The following SLC4A10 variants were observed in gnomAD, a reference collection of about 807,000 sequenced individuals.
SLC4A10 encodes solute carrier family 4 member 10, also known as sodium-driven chloride bicarbonate exchanger.
SLC4A10 carries 42 observed loss-of-function variants against 137.7 expected under a neutral mutation model. The ratio of observed to expected loss-of-function variants is 0.30; its 90% CI spans 0.24 to 0.39. SLC4A10 has a LOEUF of 0.39. Among genes scored for constraint, SLC4A10 ranks in the 10% least tolerant of loss-of-function variants. The pLI is 1.00. For missense variants in SLC4A10, 925 were observed against 1,355.0 expected (o/e 0.68, Z 4.98); for synonymous variants, 474 against 464.1 (o/e 1.02, Z -0.27).
At chr2:161,855,716 G>A (rs757517831) in intron 5 of SLC4A10, among the ~76,000 whole-genome samples, 32 of 151,934 alleles carry the variant, frequency 2.1e-4, no homozygotes, top group Non-Finnish European at 3.2e-4. Context: ...TACAGAAATT[G>A]AGTCAAAGAA....
At position 161,928,693 on chromosome 2, in the gene SLC4A10, C is replaced by A. The variant is rs561330699; in HGVS notation, c.1998-14099C>A. On this transcript the variant is annotated intron_variant, in intron 15 of 26. Transcript: ENST00000446997. ...AGTAGGAGTTTCAGGTTGGGACAGACCTGGATTCAAGTTTATTTCTATCAG... is the reference window on the plus strand; with the variant it reads ...AGTAGGAGTTTCAGGTTGGGACAGAACTGGATTCAAGTTTATTTCTATCAG... Among the ~76,000 whole-genome samples the A allele has an allele frequency of 4.3e-3, 621 of 144,838 alleles. 2 individuals are homozygous for A. Among genetic ancestry groups the A allele is most frequent in the African/African-American group, 0.015 (594 of 39,182 alleles).
intron 10 of SLC4A10, among the ~76,000 whole-genome samples, chr2:161,891,909 C>A (rs939019903): frequency 6.6e-6 from 1 of 151,888 alleles, no homozygotes; most frequent in African/African-American, 2.4e-5. Context: ...CCTTTTTGTG[C>A]TGAAAAACTT....
chr2:161,804,460 CTATT>C lies in SLC4A10; in HGVS notation c.147_150del (p.Phe49LeufsTer34). On this transcript the variant is annotated frameshift_variant, in exon 3 of 27. Transcript: ENST00000446997. LOFTEE classifies it high-confidence loss of function. ...GCTTCCTTATGAAGGTCATCGAACA[CTATT>C]TATTGGAGTACATGTGCCCTTGGGA... 2 of 1,611,736 alleles carry C rather than the reference CTATT, an allele frequency of 1.2e-6. No individual in the cohort carries two copies. The highest frequency in any genetic ancestry group is 1.7e-6 in the Non-Finnish European group (2 of 1,178,618).
chr2:161,912,415 T>G lies in SLC4A10; in HGVS notation c.1997+6528T>G, dbSNP rs72865268. Among the ~76,000 whole-genome samples the G allele has an allele frequency of 6.8e-3, 1,030 of 152,280 alleles. 8 individuals carry two copies. The highest frequency in any genetic ancestry group is 0.027 in the Middle Eastern group (8 of 294). On this transcript the variant is annotated intron_variant, in intron 15 of 26. Transcript: ENST00000446997. Reference sequence around the variant, plus strand: ...CTCAAGGAGTTCACAATCTTTGAAGTGCTGACCCCATTTCTGTTTGCTTCC... The same window carrying G: ...CTCAAGGAGTTCACAATCTTTGAAGGGCTGACCCCATTTCTGTTTGCTTCC...
chr2:161,783,320 A>T (rs893648818), intron 2 of SLC4A10, among the ~76,000 whole-genome samples: 3 of 151,958 alleles, frequency 2.0e-5, no homozygotes, highest in Non-Finnish European at 4.4e-5. Context: ...AACAAAAACT[A>T]AGGAAGTTCA....
rs182599004 is a variant in SLC4A10 at position 161,722,818 on chromosome 2, A to T, written c.49-48155A>T. ...CACAAGACTGCGTCCTCTCCTCCCCACAGGGCCTCCATCCCAGGGAGATCA... is the reference window on the plus strand; with the variant it reads ...CACAAGACTGCGTCCTCTCCTCCCCTCAGGGCCTCCATCCCAGGGAGATCA... On this transcript the variant is annotated intron_variant, in intron 1 of 26. Coordinates refer to ENST00000446997, the MANE Select transcript of SLC4A10 (RefSeq NM_001178015.2). Among the ~76,000 whole-genome samples, 11 of 152,276 alleles carry T rather than the reference A, an allele frequency of 7.2e-5. No homozygotes were observed. In the East Asian group the frequency reaches 2.1e-3, roughly 29 times the overall value.
intron 1 of SLC4A10, among the ~76,000 whole-genome samples, chr2:161,636,638 G>C (rs2034438907): frequency 6.6e-6 from 1 of 151,950 alleles, no homozygotes; most frequent in Non-Finnish European, 1.5e-5. Context: ...GACCTTAGGT[G>C]TTCCACTCAC....
intron 16 of SLC4A10, among the ~76,000 whole-genome samples, chr2:161,946,305 C>G (rs1440207325): frequency 6.6e-6 from 1 of 152,008 alleles, no homozygotes; most frequent in Non-Finnish European, 1.5e-5. Context: ...GACTCTCAGG[C>G]TTAGGGTAGC....
At chr2:161,843,264 T>C (rs1450252570) in intron 4 of SLC4A10, among the ~76,000 whole-genome samples, 1 of 152,196 alleles carries the variant, frequency 6.6e-6, no homozygotes, top group Non-Finnish European at 1.5e-5. Context: ...TATAGCACTC[T>C]CACTTTGTTA....
At chr2:161,667,705 T>C (rs1247825708) in intron 1 of SLC4A10, among the ~76,000 whole-genome samples, 1 of 151,730 alleles carries the variant, frequency 6.6e-6, no homozygotes, top group Non-Finnish European at 1.5e-5. Context: ...GTGTGTATAC[T>C]GCCACTCTCA....
Position 161,872,347 on chromosome 2 carries a change from A to G in SLC4A10, c.821A>G (p.Asp274Gly), listed in dbSNP as rs776505084. The part of the protein sequence containing the change: ...SAPACVENKN[D>G]VSRENSTVDF... ...CCAGCCTGTGTTGAAAATAAAAATG[A>G]TGTTAGCAGAGAAAACAGCACTGTT... Residue 274 changes from aspartate (D) to glycine (G), a missense_variant, in exon 7 of 27, where the codon GAT becomes GGT. Physicochemically the swap from Asp to Gly is moderately conservative, Grantham distance 94 (BLOSUM62 -1). Around this residue, in one of 11 missense-constraint regions of SLC4A10, gnomAD observed 277 missense variants for 306.1 expected, o/e 0.90. Coordinates refer to ENST00000446997, the MANE Select transcript of SLC4A10 (RefSeq NM_001178015.2). 3.1e-6 allele frequency: 5 copies of G among 1,613,700 alleles called. No individual in the cohort carries two copies. Among genetic ancestry groups the G allele is most frequent in the East Asian group, 2.2e-5 (1 of 44,810 alleles).
At chr2:161,785,560 G>A (rs1472147319) in intron 2 of SLC4A10, among the ~76,000 whole-genome samples, 5 of 151,542 alleles carry the variant, frequency 3.3e-5, no homozygotes, top group South Asian at 2.1e-4. Context: ...CCTGGGCTGG[G>A]GTTCATTATA....
At chr2:161,712,510 A>G (rs1343109808) in intron 1 of SLC4A10, among the ~76,000 whole-genome samples, 1 of 151,900 alleles carries the variant, frequency 6.6e-6, no homozygotes, top group Admixed American at 6.6e-5. Context: ...CGAAAGTCAA[A>G]CACAACTTGT....
intron 8 of SLC4A10, among the ~76,000 whole-genome samples, chr2:161,878,476 C>A (rs577058867): frequency 6.6e-6 from 1 of 152,202 alleles, no homozygotes; most frequent in African/African-American, 2.4e-5. Flanking sequence ...ACATTCATTT[C>A]GATCACAAAC....
chr2:161,939,811 C>T (rs920256717), intron 15 of SLC4A10, among the ~76,000 whole-genome samples: 6 of 151,876 alleles, frequency 4.0e-5, no homozygotes, highest in African/African-American at 1.5e-4. Context: ...TTTCTATAAA[C>T]ATAGAATGTA....
chr2:161,748,122 G>A (rs187666378), intron 1 of SLC4A10, among the ~76,000 whole-genome samples: 4 of 152,114 alleles, frequency 2.6e-5, no homozygotes, highest in African/African-American at 9.6e-5. Context: ...TATTTGGGGG[G>A]TTTTTGCTAT....
At chr2:161,977,349 C>A in intron 25 of SLC4A10, 1 of 459,898 alleles carries the variant, frequency 2.2e-6, no homozygotes, top group South Asian at 1.6e-5. Flanking sequence ...AACTTCTTAT[C>A]CCAAAACTTT....
chr2:161,870,121 A>G (rs2061022984), intron 6 of SLC4A10, among the ~76,000 whole-genome samples: 1 of 151,020 alleles, frequency 6.6e-6, no homozygotes, highest in African/African-American at 2.4e-5. Flanking sequence ...GCATACAACA[A>G]TCTCAAAATA....
intron 1 of SLC4A10, among the ~76,000 whole-genome samples, chr2:161,639,856 T>A (rs889737709): frequency 6.6e-6 from 1 of 152,142 alleles, no homozygotes; most frequent in Non-Finnish European, 1.5e-5. Context: ...GACTACATGA[T>A]CTCATATATG....
Sources: gnomAD v4.1 joint callset for allele counts (sites outside exome capture counted in the v4.1 genomes callset) on GRCh38, gnomAD v4.1.1 for gene constraint, gnomAD v4.1.1 regional missense constraint, MANE v1.5 for transcripts, NCBI Gene and HGNC (gene_info 2026-07-23, HGNC 2026-07-21) for gene names.